Variants in SHPRH observed in about 807,000 individuals in gnomAD.
The protein encoded by SHPRH is SNF2 histone linker PHD RING helicase.
SHPRH carries 106 observed loss-of-function variants against 202.5 expected under a neutral mutation model. The ratio of observed to expected loss-of-function variants is 0.52; its 90% CI spans 0.45 to 0.62. The LOEUF is 0.62. SHPRH is among the 20% of genes least tolerant of loss of function. The probability of loss-of-function intolerance (pLI) is 0.00; values close to 1 mark genes in which losing one functional copy is unlikely to be tolerated. For missense variants in SHPRH, 1,710 were observed against 2,020.0 expected (o/e 0.85, Z 2.94); for synonymous variants, 729 against 686.0 (o/e 1.06, Z -0.98).
intron 18 of SHPRH, 53 bp from the exon 19 acceptor site, chr6:145,922,889 A>T: frequency 8.9e-6 from 13 of 1,465,284 alleles, no homozygotes; most frequent in Non-Finnish European, 1.2e-5. Context: ...TAATAGGTCA[A>T]TTTCCTCAAA....
chr6:145,940,892 T>A, intron 10 of SHPRH, 91 bp from the exon 11 acceptor site: 1 of 1,231,210 alleles, frequency 8.1e-7, no homozygotes, highest in Non-Finnish European at 1.2e-6. Context: ...AACAGCCCAT[T>A]AAAAGCTACA....
chr6:145,915,748 T>C (rs1252062310), intron 23 of SHPRH, among the ~76,000 whole-genome samples: 1 of 152,062 alleles, frequency 6.6e-6, no homozygotes, highest in African/African-American at 2.4e-5. Flanking sequence ...ACTTTTTTTA[T>C]TTCTATTTTT....
chr6:145,896,837 A>C (rs1782052021), intron 25 of SHPRH, among the ~76,000 whole-genome samples: 1 of 152,082 alleles, frequency 6.6e-6, no homozygotes, highest in African/African-American at 2.4e-5. Context: ...AATTAAAAAT[A>C]TCTTGAGACA....
At chr6:145,897,274 A>G (rs1782095849) in intron 25 of SHPRH, among the ~76,000 whole-genome samples, 1 of 152,058 alleles carries the variant, frequency 6.6e-6, no homozygotes, top group African/African-American at 2.4e-5. Context: ...ACGCCAAGAA[A>G]TCAGAAAATC....
chr6:145,880,836 A>G (rs963315708), downstream of SHPRH, among the ~76,000 whole-genome samples: 3 of 152,116 alleles, frequency 2.0e-5, no homozygotes, highest in Admixed American at 2.0e-4. Context: ...AAGAAATTGT[A>G]TAATTTCTTA....
At chr6:145,921,509 G>T in intron 20 of SHPRH, 117 bp from the exon 21 acceptor site, 13 of 928,678 alleles carry the variant, frequency 1.4e-5, no homozygotes, top group South Asian at 7.5e-5. Context: ...AAGCAACCTT[G>T]AAAAAGCTGA....
intron 13 of SHPRH, among the ~76,000 whole-genome samples, chr6:145,934,235 GA>G (rs994767684): frequency 1.1e-4 from 17 of 152,064 alleles, no homozygotes; most frequent in Non-Finnish European, 1.9e-4. Context: ...ACGAGGCTGA[GA>G]GGGGTGGATT....
intron 21 of SHPRH, among the ~76,000 whole-genome samples, chr6:145,920,149 G>C (rs773565472): frequency 2.6e-5 from 4 of 152,072 alleles, no homozygotes; most frequent in Non-Finnish European, 5.9e-5. Flanking sequence ...TTTACATTTT[G>C]AGGTAGATCT....
intron 3 of SHPRH, among the ~76,000 whole-genome samples, chr6:145,951,467 T>C (rs2128799063): frequency 6.6e-6 from 1 of 152,168 alleles, no homozygotes; most frequent in East Asian, 1.9e-4. Flanking sequence ...TTTTAGACTT[T>C]TACTATAATT....
intron 14 of SHPRH, among the ~76,000 whole-genome samples, chr6:145,927,837 C>G (rs1237789382): frequency 2.0e-5 from 3 of 151,904 alleles, no homozygotes; most frequent in South Asian, 4.2e-4. Context: ...AGGGATCTCC[C>G]TCTTCTTCTG....
chr6:145,928,776 G>A (rs1289069812), intron 14 of SHPRH, among the ~76,000 whole-genome samples: 1 of 151,864 alleles, frequency 6.6e-6, no homozygotes, highest in East Asian at 1.9e-4. Flanking sequence ...CTATTAGTTA[G>A]CTAATACAAA....
At chr6:145,946,452 A>T in intron 6 of SHPRH, 111 bp from the exon 7 acceptor site, 1 of 851,370 alleles carries the variant, frequency 1.2e-6, no homozygotes, top group Non-Finnish European at 1.7e-6. Flanking sequence ...TTCTAAAAAA[A>T]TTGCAAGAGA....
chr6:145,947,956 TCATG>T (rs1787572071), intron 5 of SHPRH, among the ~76,000 whole-genome samples: 1 of 152,036 alleles, frequency 6.6e-6, no homozygotes, highest in Non-Finnish European at 1.5e-5. Flanking sequence ...TACTATTCAT[TCATG>T]ATGTTTAATG....
At chr6:145,887,533 GTT>G (rs1220167063) in intron 29 of SHPRH, among the ~76,000 whole-genome samples, 4 of 131,168 alleles carry the variant, frequency 3.0e-5, no homozygotes, top group Non-Finnish European at 4.8e-5. Context: ...TAACAAGTTT[GTT>G]TTTTTTTTTT....
chr6:145,892,344 GATC>G (rs1781638089), intron 28 of SHPRH, among the ~76,000 whole-genome samples: 1 of 152,116 alleles, frequency 6.6e-6, no homozygotes, highest in East Asian at 1.9e-4. Flanking sequence ...GGGCCCGAGT[GATC>G]ATTATCTTCT....
intron 11 of SHPRH, among the ~76,000 whole-genome samples, chr6:145,940,230 A>G (rs1410871980): frequency 6.6e-6 from 1 of 152,166 alleles, no homozygotes; most frequent in Admixed American, 6.5e-5. Context: ...GTGACATTAT[A>G]AGACTACTAA....
chr6:145,879,181 TTTA>T (rs1175618928), intron 2 of SHPRH, among the ~76,000 whole-genome samples: 1 of 152,222 alleles, frequency 6.6e-6, no homozygotes, highest in Admixed American at 6.5e-5. Flanking sequence ...TTATCATATT[TTTA>T]TTTATTCTAA....
chr6:145,961,293 T>C (rs1480815658), intron 1 of SHPRH, among the ~76,000 whole-genome samples: 1 of 152,188 alleles, frequency 6.6e-6, no homozygotes, highest in Non-Finnish European at 1.5e-5. Flanking sequence ...AGTCAGAATG[T>C]CTTGGAGAAG....
intron 11 of SHPRH, 197 bp from the exon 12 acceptor site, chr6:145,935,638 G>T (rs1405250641): frequency 3.7e-6 from 2 of 542,890 alleles, no homozygotes; most frequent in Middle Eastern, 4.9e-4. Flanking sequence ...TAGGTTTTGG[G>T]CTAGGTGCTA....
Sources: allele counts gnomAD v4.1 joint callset (sites outside exome capture counted in the v4.1 genomes callset), GRCh38; gene constraint gnomAD v4.1.1; transcripts MANE v1.5; gene names NCBI Gene and HGNC (gene_info 2026-07-23, HGNC 2026-07-21).